MAMLD1: variants seen among roughly 807,000 people sequenced by gnomAD.
MAMLD1 encodes the protein mastermind-like domain-containing protein 1.
In MAMLD1, 14 loss-of-function variants were observed where a neutral mutation model predicts 45.0. The ratio of observed to expected loss-of-function variants is 0.31; its 90% CI spans 0.21 to 0.49. The LOEUF is 0.49. MAMLD1 is among the 20% of genes least tolerant of loss of function. The pLI, the probability that MAMLD1 is intolerant of heterozygous loss-of-function variation, is 0.99. For missense variants in MAMLD1, 543 were observed against 603.6 expected, an observed-to-expected ratio of 0.90 and a Z score of 1.05; for synonymous variants, 254 against 247.8, an observed-to-expected ratio of 1.02 and a Z score of -0.24.
In MAMLD1 at chrX:150,415,330, C is replaced by T. The variant is rs186878987; in HGVS notation, c.-63-30124C>T. On this transcript the variant is annotated intron_variant, in intron 1 of 7. Coordinates refer to ENST00000370401, the MANE Select transcript of MAMLD1 (RefSeq NM_005491.5). Reference sequence around the variant, plus strand: ...CGAATATAAAATGAATTCCATAAACCGCCAGAGGCATCTTCATCATTTAAA... The same window carrying T: ...CGAATATAAAATGAATTCCATAAACTGCCAGAGGCATCTTCATCATTTAAA... 9.8e-5 allele frequency among the ~76,000 whole-genome samples: 11 copies of T among 112,604 alleles called. No homozygotes were observed. In the East Asian group the frequency reaches 3.1e-3, roughly 31 times the overall value.
upstream of MAMLD1, among the ~76,000 whole-genome samples, chrX:150,362,372 T>A (rs1412129834): frequency 6.3e-5 from 7 of 110,682 alleles, no homozygotes; most frequent in Admixed American, 2.8e-4. Context: ...CCTCTGGGGA[T>A]CTGTCATTCC....
intron 1 of MAMLD1, among the ~76,000 whole-genome samples, chrX:150,368,067 A>G (rs2031647387): frequency 9.0e-6 from 1 of 111,641 alleles, no homozygotes; most frequent in Non-Finnish European, 1.9e-5. Flanking sequence ...TCCTTTGGGT[A>G]TATACCCAGT....
At chrX:150,464,262 A>G (rs1190918474) in intron 3 of MAMLD1, among the ~76,000 whole-genome samples, 1 of 111,616 alleles carries the variant, frequency 9.0e-6, no homozygotes, top group Non-Finnish European at 1.9e-5. Flanking sequence ...AATCAGGGAC[A>G]CCAATAAATC....
chrX:150,428,859 C>G (rs2034811002), intron 1 of MAMLD1, among the ~76,000 whole-genome samples: 1 of 111,668 alleles, frequency 9.0e-6, no homozygotes, highest in Non-Finnish European at 1.9e-5. Context: ...GAGAATTGAG[C>G]CTTTGTGTAG....
chrX:150,363,707 C>A (rs1047774562), intron 1 of MAMLD1, among the ~76,000 whole-genome samples, 177 bp downstream of exon 1: 1 of 112,733 alleles, frequency 8.9e-6, no homozygotes, highest in Non-Finnish European at 1.9e-5. Context: ...GCGGCCACCC[C>A]CTTCTCGAAC....
intron 1 of MAMLD1, among the ~76,000 whole-genome samples, chrX:150,406,495 G>T (rs1389753529): frequency 9.0e-6 from 1 of 111,562 alleles, no homozygotes; most frequent in Non-Finnish European, 1.9e-5. Flanking sequence ...TGAAATACAG[G>T]TGTCCCTGGG....
At chrX:150,442,871 T>C (rs1292728915) in intron 1 of MAMLD1, among the ~76,000 whole-genome samples, 1 of 112,001 alleles carries the variant, frequency 8.9e-6, no homozygotes, top group Admixed American at 9.5e-5. Context: ...TGTCTCTTGA[T>C]CTGAGAATGT....
chrX:150,389,499 A>C (rs2033083368), intron 1 of MAMLD1, among the ~76,000 whole-genome samples: 1 of 112,277 alleles, frequency 8.9e-6, no homozygotes, highest in Non-Finnish European at 1.9e-5. Flanking sequence ...ACATTAGAGA[A>C]TGCTGTGATT....
intron 4 of MAMLD1, among the ~76,000 whole-genome samples, chrX:150,473,287 C>T (rs1037894050): frequency 1.8e-5 from 2 of 112,549 alleles, no homozygotes; most frequent in Non-Finnish European, 3.8e-5. Flanking sequence ...TTTTCCATGA[C>T]TGTCCTCAGT....
intron 1 of MAMLD1, among the ~76,000 whole-genome samples, chrX:150,406,330 C>A (rs1244966687): frequency 9.0e-6 from 1 of 110,820 alleles, no homozygotes; most frequent in African/African-American, 3.3e-5. Context: ...GAAAGGAAAT[C>A]TTTCCCAGAC....
At chrX:150,420,405 T>C (rs1557403432) in intron 1 of MAMLD1, among the ~76,000 whole-genome samples, 1 of 107,287 alleles carries the variant, frequency 9.3e-6, no homozygotes, top group Non-Finnish European at 1.9e-5. Context: ...TAGCTCAGAG[T>C]AATTTGATCG....
chrX:150,385,777 TG>T (rs1184556171), intron 1 of MAMLD1, among the ~76,000 whole-genome samples: 4 of 111,708 alleles, frequency 3.6e-5, no homozygotes, highest in African/African-American at 6.5e-5. Flanking sequence ...TCTAACTTTT[TG>T]CTTTTTTATT....
chrX:150,394,129 C>CTTTTTTTTTTTTTTT lies in MAMLD1; in HGVS notation c.-64+30610_-64+30624dup, dbSNP rs781904160. 3.3e-3 allele frequency among the ~76,000 whole-genome samples: 40 copies of CTTTTTTTTTTTTTTT among 12,264 alleles called. 8 individuals are homozygous for CTTTTTTTTTTTTTTT. The highest frequency in any genetic ancestry group is 4.0e-3 in the African/African-American group (11 of 2,777). The allele number at this position is 12,264 out of a possible 115,157, so 10.6% of individuals were successfully genotyped here. A position where few individuals can be genotyped will look rare whatever the true frequency, so the allele number is the denominator to read the frequency against. On this transcript the variant is annotated intron_variant, in intron 1 of 7. Coordinates refer to ENST00000370401, the MANE Select transcript of MAMLD1 (RefSeq NM_005491.5). ...GGGGTGTAAGGTCTATATCTACATC[C>CTTTTTTTTTTTTTTT]TTTTTTTTTTTTTTTTTTTTTTTTT...
intron 1 of MAMLD1, among the ~76,000 whole-genome samples, chrX:150,426,088 G>A (rs1413910785): frequency 9.0e-6 from 1 of 111,409 alleles, no homozygotes; most frequent in Non-Finnish European, 1.9e-5. Flanking sequence ...CTGACATCTA[G>A]GAGGCCAGCC....
At chrX:150,432,466 G>C (rs1360784395) in intron 1 of MAMLD1, among the ~76,000 whole-genome samples, 1 of 111,244 alleles carries the variant, frequency 9.0e-6, no homozygotes, top group African/African-American at 3.3e-5. Context: ...AATTGCTTTT[G>C]GCATATTTGT....
At chrX:150,393,136 C>G (rs2033261183) in intron 1 of MAMLD1, among the ~76,000 whole-genome samples, 2 of 112,251 alleles carry the variant, frequency 1.8e-5, no homozygotes, top group African/African-American at 3.2e-5. Flanking sequence ...CTGGCAACCA[C>G]TGATCTTTTA....
chrX:150,481,956 AGAAAGAAAAAAGAAAGAAAG>A (rs2036785706), intron 5 of MAMLD1, among the ~76,000 whole-genome samples: 2 of 95,871 alleles, frequency 2.1e-5, no homozygotes, highest in African/African-American at 7.8e-5. Flanking sequence ...AAAGAAAGAA[AGAAAGAAAAAAGAAAGAAAG>A]AAAGAAAGAA....
chrX:150,486,223 G>A (rs1030206278), intron 5 of MAMLD1, among the ~76,000 whole-genome samples: 2 of 111,790 alleles, frequency 1.8e-5, no homozygotes, highest in Non-Finnish European at 3.8e-5. Flanking sequence ...CCCCTTGTGG[G>A]CACAAGATAG....
chrX:150,482,714 G>A (rs1557407398), intron 5 of MAMLD1, among the ~76,000 whole-genome samples: 2 of 112,165 alleles, frequency 1.8e-5, no homozygotes, highest in Admixed American at 9.4e-5. Context: ...ATGTTGTATG[G>A]GCCATCTGGG....
Sources: allele counts gnomAD v4.1 joint callset (sites outside exome capture counted in the v4.1 genomes callset), GRCh38; gene constraint gnomAD v4.1.1; transcripts MANE v1.5; gene names NCBI Gene and HGNC (gene_info 2026-07-23, HGNC 2026-07-21).